The following SDK1 variants were observed in gnomAD, a reference collection of about 807,000 sequenced individuals.
SDK1 encodes protein sidekick-1.
Under a neutral mutation model 245.5 loss-of-function variants are expected in SDK1, and 157 were observed. The observed-to-expected ratio is 0.64, with a 90% confidence interval of 0.56 to 0.73. The LOEUF (loss-of-function observed/expected upper bound fraction) is 0.73, where lower values mean the gene tolerates loss of function less well. SDK1 is among the 30% of genes least tolerant of loss of function. SDK1 has a pLI of 0.00. For synonymous variants in SDK1, 1,647 were observed against 1,278.5 expected (o/e 1.29, Z -6.15); for missense variants, 3,583 against 3,002.3 (o/e 1.19, Z -4.52).
intron 1 of SDK1, among the ~76,000 whole-genome samples, chr7:3,426,443 A>ACCTTCTCTGCTCCTCATTTC (rs1456160029): frequency 6.6e-6 from 1 of 152,180 alleles, no homozygotes; most frequent in East Asian, 1.9e-4. Context: ...TAGGCAAGTC[A>ACCTTCTCTGCTCCTCATTTC]CCTTCTCTGC....
At chr7:3,646,528 A>G (rs1432764765) in intron 4 of SDK1, among the ~76,000 whole-genome samples, 3 of 152,176 alleles carry the variant, frequency 2.0e-5, no homozygotes, top group Non-Finnish European at 4.4e-5. Context: ...TGGATGTTAA[A>G]TTACTTACCC....
At position 3,301,692 on chromosome 7, in the gene SDK1, G is replaced by T. The variant is rs866989461; in HGVS notation, c.106G>T (p.Ala36Ser). 1 of 974,260 alleles carries T rather than the reference G, an allele frequency of 1.0e-6. No individual in the cohort carries two copies. The highest frequency in any genetic ancestry group is 1.2e-4 in the East Asian group (1 of 8,468). The allele number at this position is 974,260 out of a possible 1,614,324, so 60.4% of individuals were successfully genotyped here. ...GCCGCGGGGATCCCCGCCCGGCCGC[G>T]CCCGCCCCTCGCTGGCGCCGCGCCC... Reference protein sequence around the residue: ...GRPRGSPPGRARPSLAPRPGP... With the variant: ...GRPRGSPPGRSRPSLAPRPGP... The change falls in exon 1 of 45, where the codon GCC becomes TCC. Residue 36 changes from alanine to serine, a missense_variant. Physicochemically the swap from Ala to Ser is moderately conservative, Grantham distance 99 (BLOSUM62 1). Coordinates refer to ENST00000404826, the MANE Select transcript of SDK1 (RefSeq NM_152744.4).
chr7:4,160,092 C>T (rs372775199), intron 31 of SDK1, among the ~76,000 whole-genome samples: 5 of 152,276 alleles, frequency 3.3e-5, no homozygotes, highest in Admixed American at 6.5e-5. Flanking sequence ...AAAGCCTTTC[C>T]GGTTAATCTA....
chr7:3,477,501 G>A (rs1394952771), intron 1 of SDK1, among the ~76,000 whole-genome samples: 12 of 147,220 alleles, frequency 8.2e-5, no homozygotes. Flanking sequence ...CTATGGTTTT[G>A]TTTCTTTCTT....
At chr7:4,264,358 G>A (rs1441465609) in intron 44 of SDK1, among the ~76,000 whole-genome samples, 2 of 147,948 alleles carry the variant, frequency 1.4e-5, no homozygotes, top group African/African-American at 2.5e-5. Context: ...TGAGGAGGCC[G>A]TGTAGATCTC....
chr7:4,076,604 T>C (rs1054986209), intron 20 of SDK1, among the ~76,000 whole-genome samples: 5 of 152,196 alleles, frequency 3.3e-5, no homozygotes, highest in Non-Finnish European at 7.3e-5. Context: ...TTAGTGGAAT[T>C]ATTGGTGAAA....
intron 5 of SDK1, among the ~76,000 whole-genome samples, chr7:3,868,792 T>C (rs1247142261): frequency 1.3e-5 from 2 of 152,170 alleles, no homozygotes; most frequent in Non-Finnish European, 2.9e-5. Context: ...AGGTCCCTGT[T>C]CATGGGCTGC....
intron 5 of SDK1, among the ~76,000 whole-genome samples, chr7:3,921,693 C>T (rs986121443): frequency 2.6e-5 from 4 of 152,102 alleles, no homozygotes; most frequent in African/African-American, 4.8e-5. Context: ...GGGCCAGGCA[C>T]GGTGGCTCAT....
chr7:4,227,253 T>TGCTGCTTGTCTTTCTCATAA (rs941868510), intron 40 of SDK1: 1 of 402,292 alleles, frequency 2.5e-6, no homozygotes, highest in East Asian at 7.3e-5. Context: ...TCCCCTCATG[T>TGCTGCTTGTCTTTCTCATAA]GCTGCTTGTC....
intron 1 of SDK1, among the ~76,000 whole-genome samples, chr7:3,396,330 T>A (rs1781895619): frequency 6.6e-6 from 1 of 151,870 alleles, no homozygotes; most frequent in Admixed American, 6.6e-5. Flanking sequence ...TATCTTGGGT[T>A]CTATGGCAGC....
chr7:3,955,727 A>C (rs545857656), intron 7 of SDK1, among the ~76,000 whole-genome samples: 2 of 152,366 alleles, frequency 1.3e-5, no homozygotes, highest in African/African-American at 4.8e-5. Context: ...AAATCCCAGC[A>C]GCATTGGGGA....
Position 3,541,098 on chromosome 7 carries a change from G to T in SDK1, c.299-77982G>T, listed in dbSNP as rs190932205. On this transcript the variant is annotated intron_variant, in intron 1 of 44. Coordinates refer to ENST00000404826, the MANE Select transcript of SDK1 (RefSeq NM_152744.4). ...CATTTCCGTTTTCTAAACTTGATCT[G>T]TGTTTCTTGGGTGATACATGCATTC... Among the ~76,000 whole-genome samples, 483 of 152,278 alleles carry T rather than the reference G, an allele frequency of 3.2e-3. 1 individual carries two copies. The highest frequency in any genetic ancestry group is 0.011 in the African/African-American group (467 of 41,560).
rs1163645905 is a variant in SDK1 at position 3,962,813 on chromosome 7, G to T, written c.1391G>T (p.Gly464Val). 2.5e-6 allele frequency: 4 copies of T among 1,613,424 alleles called. No homozygotes were observed. Among genetic ancestry groups the T allele is most frequent in the African/African-American group, 1.3e-5 (1 of 74,894 alleles). ...TTCCAGTGCTTCGCCAGCAATGAAGGAGGGGAGATCCAGACCCACACCTAC... is the reference window on the plus strand; with the variant it reads ...TTCCAGTGCTTCGCCAGCAATGAAGTAGGGGAGATCCAGACCCACACCTAC... ...GIFQCFASNE[G>V]GEIQTHTYLD... Residue 464 changes from glycine (G) to valine (V), a missense_variant, in exon 9 of 45, where the codon GGA becomes GTA. Gly to Val is a moderately radical substitution (Grantham distance 109). Transcript: ENST00000404826.
intron 7 of SDK1, chr7:3,957,936 A>G: frequency 2.1e-6 from 1 of 470,006 alleles, no homozygotes; most frequent in Non-Finnish European, 4.4e-6. Context: ...AGGTAATCGC[A>G]GAAGTGAAAC....
At chr7:3,905,062 A>T (rs1325636029) in intron 5 of SDK1, among the ~76,000 whole-genome samples, 1 of 151,936 alleles carries the variant, frequency 6.6e-6, no homozygotes, top group Non-Finnish European at 1.5e-5. Flanking sequence ...AACTTTTATG[A>T]TATATGAATT....
intron 2 of SDK1, among the ~76,000 whole-genome samples, chr7:3,634,219 C>CAG: frequency 6.6e-6 from 1 of 152,000 alleles, no homozygotes; most frequent in South Asian, 2.1e-4. Context: ...TCTCCAAATA[C>CAG]AGGGAAGTGG....
chr7:4,019,039 G>A (rs1013305442), intron 17 of SDK1, among the ~76,000 whole-genome samples: 1 of 152,112 alleles, frequency 6.6e-6, no homozygotes, highest in Non-Finnish European at 1.5e-5. Context: ...CCCTGAAAAC[G>A]AATGCAGTTT....
chr7:3,498,707 C>T (rs1331878690), intron 1 of SDK1, among the ~76,000 whole-genome samples: 1 of 151,308 alleles, frequency 6.6e-6, no homozygotes, highest in Non-Finnish European at 1.5e-5. Context: ...CGGAATGTCT[C>T]AGAATGTTGC....
intron 1 of SDK1, among the ~76,000 whole-genome samples, chr7:3,584,967 G>C (rs1381879774): frequency 6.6e-6 from 1 of 151,942 alleles, no homozygotes; most frequent in East Asian, 1.9e-4. Flanking sequence ...CTCGTAATCT[G>C]CCCTCCTCGG....
Sources: allele counts gnomAD v4.1 joint callset (sites outside exome capture counted in the v4.1 genomes callset), GRCh38; gene constraint gnomAD v4.1.1; transcripts MANE v1.5; gene names NCBI Gene and HGNC (gene_info 2026-07-23, HGNC 2026-07-21).